The following PISD variants were observed in gnomAD, a reference collection of about 807,000 sequenced individuals.
The protein encoded by PISD is phosphatidylserine decarboxylase, also known as phosphatidylserine decarboxylase proenzyme, mitochondrial.
Under a neutral mutation model 43.5 loss-of-function variants are expected in PISD, and 31 were observed. The observed-to-expected ratio is 0.71, with a 90% CI of 0.54 to 0.96. The LOEUF (loss-of-function observed/expected upper bound fraction) is 0.96, where lower values mean the gene tolerates loss of function less well. Among genes scored for constraint, PISD ranks in the 40% least tolerant of loss-of-function variants. The pLI is 0.00. For synonymous variants in PISD, 259 were observed against 228.7 expected, an observed-to-expected ratio of 1.13 and a Z score of -1.20; for missense variants, 523 against 548.4, an observed-to-expected ratio of 0.95 and a Z score of 0.46.
chr22:31,626,771 A>G (rs747610586), intron 3 of PISD, among the ~76,000 whole-genome samples: 5 of 152,228 alleles, frequency 3.3e-5, no homozygotes, highest in Non-Finnish European at 7.3e-5. Context: ...AGATAGCGGA[A>G]GGAAGAGCAA....
intron 1 of PISD, among the ~76,000 whole-genome samples, chr22:31,652,118 G>A (rs994926418): frequency 6.6e-5 from 10 of 151,590 alleles, no homozygotes; most frequent in African/African-American, 2.4e-4. Flanking sequence ...ATTTACTTTC[G>A]TGGATATTTA....
intron 4 of PISD, 82 bp downstream of exon 4, chr22:31,621,567 G>A (rs751526824): frequency 6.3e-7 from 1 of 1,598,132 alleles, no homozygotes; most frequent in Non-Finnish European, 8.6e-7. Flanking sequence ...GCCCCTTCCA[G>A]ATACGCTGGA....
chr22:31,637,164 A>AAAT (rs1569487518), intron 3 of PISD, among the ~76,000 whole-genome samples: 1 of 13,652 alleles, frequency 7.3e-5, no homozygotes, highest in Non-Finnish European at 1.2e-4. Context: ...AAAAAAAAAA[A>AAAT]ATATATATAT....
chr22:31,642,519 G>GT (rs1336441143), intron 3 of PISD, among the ~76,000 whole-genome samples: 1 of 150,610 alleles, frequency 6.6e-6, no homozygotes, highest in East Asian at 1.9e-4. Flanking sequence ...AAAAGGACAG[G>GT]TGTGGTAGCT....
At chr22:31,655,220 C>T (rs2074133873) in intron 1 of PISD, among the ~76,000 whole-genome samples, 2 of 151,878 alleles carry the variant, frequency 1.3e-5, no homozygotes, top group Admixed American at 6.6e-5. Flanking sequence ...ACTGAGAATG[C>T]TGGAGTTTAT....
chr22:31,659,174 C>T (rs2147823248), intron 1 of PISD, among the ~76,000 whole-genome samples: 1 of 152,144 alleles, frequency 6.6e-6, no homozygotes, highest in Admixed American at 6.6e-5. Context: ...TTTAACATCA[C>T]CCCTAGTAGT....
chr22:31,619,965 A>T (rs2072410335), intron 7 of PISD, 129 bp from the exon 8 acceptor site: 2 of 659,594 alleles, frequency 3.0e-6, no homozygotes, highest in Non-Finnish European at 5.2e-6. Context: ...TCCAAAAGGG[A>T]GGTGGGGATG....
chr22:31,629,670 G>C (rs1375471369), intron 3 of PISD: 2 of 152,218 alleles, frequency 1.3e-5, no homozygotes, highest in Non-Finnish European at 2.9e-5. Flanking sequence ...GCAGGGGTGT[G>C]TGTGTGTAGG....
chr22:31,627,847 G>A (rs532693308), intron 3 of PISD, among the ~76,000 whole-genome samples: 2 of 152,360 alleles, frequency 1.3e-5, no homozygotes, highest in South Asian at 4.1e-4. Flanking sequence ...CTCCCATGGT[G>A]CTGTGAGGGG....
chr22:31,642,685 C>T (rs1320582386), intron 3 of PISD, among the ~76,000 whole-genome samples: 1 of 149,420 alleles, frequency 6.7e-6, no homozygotes, highest in African/African-American at 2.5e-5. Context: ...GTCCCGGCTG[C>T]TTGGGAGACT....
At position 31,630,918 on chromosome 22, in the gene PISD, G is replaced by A; in HGVS notation, c.322-9033C>T. 1 of 953,708 alleles carries A rather than the reference G, an allele frequency of 1.0e-6. No homozygotes were observed. Among genetic ancestry groups the A allele is most frequent in the South Asian group, 4.8e-5 (1 of 20,666 alleles). 59.1% of individuals were successfully genotyped at this position (953,708 alleles called of 1,614,324 possible). On this transcript the variant is annotated intron_variant, in intron 3 of 7. Coordinates refer to ENST00000439502, the MANE Select transcript of PISD (RefSeq NM_001326411.2). The surrounding 1 kb of genome is among the most constrained non-coding windows in gnomAD (Gnocchi z 4.4). ...CCAGCCACTCAGACTACCAGGGGCGGGGGCAGGAGGCCGACCCCAGCCACC... is the reference window on the plus strand; with the variant it reads ...CCAGCCACTCAGACTACCAGGGGCGAGGGCAGGAGGCCGACCCCAGCCACC...
chr22:31,645,459 CTT>C (rs1569490669), intron 3 of PISD, among the ~76,000 whole-genome samples: 2 of 151,220 alleles, frequency 1.3e-5, no homozygotes, highest in Non-Finnish European at 2.9e-5. Context: ...AATCCACACA[CTT>C]TGGGAGGCCG....
chr22:31,634,143 G>C (rs1220385050), intron 3 of PISD, among the ~76,000 whole-genome samples: 2 of 152,238 alleles, frequency 1.3e-5, no homozygotes, highest in Non-Finnish European at 2.9e-5. Flanking sequence ...CTGTGCCAGG[G>C]AACAGAAGGT....
In PISD at chr22:31,621,824, T is replaced by C. The variant is rs376140173; in HGVS notation, c.383A>G (p.Gln128Arg). The change falls in exon 4 of 8, where the codon CAG becomes CGG. Residue 128 changes from glutamine to arginine, a missense_variant. Coordinates refer to ENST00000439502, the MANE Select transcript of PISD (RefSeq NM_001326411.2). ...LLSRAWGRLN[Q>R]VELPHWLRRP... is the part of the protein sequence containing the mutation. ...GCGCAGCCAGTGTGGCAGCTCCACC[T>C]GATTGAGGCGACCCCAGGCCCGTGA... 6.2e-7 allele frequency: 1 copy of C among 1,613,202 alleles called. No individual in the cohort carries two copies. The highest frequency in any genetic ancestry group is 1.1e-5 in the South Asian group (1 of 91,084).
At chr22:31,629,541 G>GT (rs2073092892) in intron 3 of PISD, among the ~76,000 whole-genome samples, 1 of 147,024 alleles carries the variant, frequency 6.8e-6, no homozygotes, top group Non-Finnish European at 1.5e-5. Context: ...GTGTGTGTAG[G>GT]TGAGGGGGTG....
chr22:31,643,468 G>A lies in PISD; in HGVS notation c.321+4633C>T, dbSNP rs191360827. Among the ~76,000 whole-genome samples, 440 of 151,966 alleles carry A rather than the reference G, an allele frequency of 2.9e-3. 2 individuals carry two copies. The highest frequency in any genetic ancestry group is 9.9e-3 in the African/African-American group (410 of 41,532). ...AATATAAAACTACCCTGGCGAAGTG[G>A]CACATACCTACAGTCCACTACTGGG... On this transcript the variant is annotated intron_variant, in intron 3 of 7. Transcript: ENST00000439502.
chr22:31,632,079 G>A, intron 3 of PISD: 1 of 174,170 alleles, frequency 5.7e-6, no homozygotes, highest in Non-Finnish European at 1.1e-5. Flanking sequence ...GTTTGGAACA[G>A]GAGGAGAGGG....
At chr22:31,656,523 C>G (rs555300523) in intron 1 of PISD, among the ~76,000 whole-genome samples, 1 of 151,860 alleles carries the variant, frequency 6.6e-6, no homozygotes, top group African/African-American at 2.4e-5. Flanking sequence ...GTGGTCGGTG[C>G]CTATAGTCCC....
At chr22:31,645,940 G>A (rs1400459792) in intron 3 of PISD, among the ~76,000 whole-genome samples, 1 of 150,548 alleles carries the variant, frequency 6.6e-6, no homozygotes, top group Non-Finnish European at 1.5e-5. Context: ...ACATCCCCAA[G>A]TTATCTCAGT....
Sources: gnomAD v4.1 joint callset for allele counts (sites outside exome capture counted in the v4.1 genomes callset) on GRCh38, gnomAD v4.1.1 for gene constraint, Gnocchi (gnomAD v3.1) non-coding constraint, MANE v1.5 for transcripts, NCBI Gene and HGNC (gene_info 2026-07-23, HGNC 2026-07-21) for gene names.